The following RBPJ variants were observed in gnomAD, a reference collection of about 807,000 sequenced individuals.
RBPJ encodes the protein recombination signal binding protein for immunoglobulin kappa J region.
A neutral mutation model predicts 67.8 loss-of-function variants in RBPJ; 9 were observed. That is an observed-to-expected ratio of 0.13 (90% CI 0.08 to 0.23). The LOEUF (loss-of-function observed/expected upper bound fraction) is 0.23. Among genes scored for constraint, RBPJ ranks in the 10% least tolerant of loss-of-function variants. The probability of loss-of-function intolerance (pLI) is 1.00; values close to 1 mark genes in which losing one functional copy is unlikely to be tolerated. For missense variants in RBPJ, 305 were observed against 595.6 expected (o/e 0.51, Z 5.08); for synonymous variants, 198 against 203.3 (o/e 0.97, Z 0.22).
rs574286097 is a variant in RBPJ, at chr4:26,194,440, G to A, written c.-167+30826G>A. Among the ~76,000 whole-genome samples the A allele has an allele frequency of 8.5e-5, 13 of 152,328 alleles. No individual in the cohort carries two copies. The South Asian group carries it at 2.7e-3, about 32-fold the overall frequency. On this transcript the variant is annotated intron_variant, in intron 1 of 4. Transcript: ENST00000512351. ...AATATCTATTGAGCACTTGCAGCAT[G>A]CCAGGCACTGTGCTAAGCACTTTAA...
At chr4:26,359,033 C>G (rs1011809220) in intron 1 of RBPJ, among the ~76,000 whole-genome samples, 1 of 152,140 alleles carries the variant, frequency 6.6e-6, no homozygotes, top group South Asian at 2.1e-4. Context: ...GAATCAGATC[C>G]AGACAATCTT....
In RBPJ at chr4:26,304,147, G is replaced by A. The variant is rs140015804; in HGVS notation, c.-166-58299G>A. ...ATGATTTGCTGCTTTCATTTAGCAC[G>A]TTTTCAAGGTCCATCCATGTTGTAG... On this transcript the variant is annotated intron_variant, in intron 1 of 4. Coordinates refer to the RBPJ transcript ENST00000512351. Among the ~76,000 whole-genome samples the A allele has an allele frequency of 2.2e-4, 34 of 152,274 alleles. 2 individuals carry two copies. Among genetic ancestry groups the A allele is most frequent in the African/African-American group, 7.5e-4 (31 of 41,556 alleles).
At chr4:26,329,766 C>T (rs1393632215) in intron 1 of RBPJ, among the ~76,000 whole-genome samples, 4 of 151,980 alleles carry the variant, frequency 2.6e-5, no homozygotes, top group Admixed American at 1.3e-4. Flanking sequence ...TGTTGGCAGG[C>T]GCCTGTAGTC....
At position 26,420,584 on chromosome 4, in the gene RBPJ, G is replaced by T; in HGVS notation, c.355G>T (p.Asp119Tyr). The T allele has an allele frequency of 6.2e-7, 1 of 1,612,922 alleles. No individual in the cohort carries two copies. The highest frequency in any genetic ancestry group is 1.1e-5 in the South Asian group (1 of 90,716). The stretch of plus-strand genomic sequence containing the variant: ...CACAGCCAAAACATTGTATATATCT[G>T]ACTCAGACAAGCGAAAGCACTTCAT... ...YCTAKTLYIS[D>Y]SDKRKHFMLS... is the part of the protein sequence containing the mutation. Residue 119 changes from aspartate (D) to tyrosine (Y), a missense_variant, in exon 5 of 11, where the codon GAC becomes TAC. By Grantham distance (160) the Asp-to-Tyr change is radical (BLOSUM62 -3). Transcript: ENST00000355476.
intron 1 of RBPJ, chr4:26,384,748 C>T (rs1210137519): frequency 6.6e-6 from 1 of 151,674 alleles, no homozygotes. Context: ...TGAGTATTTA[C>T]TGTGTTTCAG....
the RBPJ span, among the ~76,000 whole-genome samples, chr4:26,142,787 T>A: frequency 0.33 from 50,309 of 150,622 alleles, 9,119 homozygotes; most frequent in East Asian, 0.52. Context: ...TGTGTGTGTG[T>A]GAGAGAGAGA....
chr4:26,358,126 A>G (rs1370657699), intron 1 of RBPJ, among the ~76,000 whole-genome samples: 1 of 152,054 alleles, frequency 6.6e-6, no homozygotes, highest in Non-Finnish European at 1.5e-5. Context: ...ATAAAACTCT[A>G]CAAACCACTG....
At chr4:26,293,919 A>T (rs143503617) in intron 1 of RBPJ, among the ~76,000 whole-genome samples, 7,448 of 150,792 alleles carry the variant, frequency 0.049, 203 homozygotes, top group East Asian at 0.1. Flanking sequence ...CACCACACTC[A>T]GCTAATTTTT....
At chr4:26,180,248 A>G (rs536132695) in intron 1 of RBPJ, among the ~76,000 whole-genome samples, 168 of 152,174 alleles carry the variant, frequency 1.1e-3, no homozygotes, top group Admixed American at 2.0e-3. Flanking sequence ...TGGGTGACGA[A>G]ATAATTGATA....
At chr4:26,377,551 C>T (rs972946646) in intron 1 of RBPJ, among the ~76,000 whole-genome samples, 2 of 152,166 alleles carry the variant, frequency 1.3e-5, no homozygotes, top group Non-Finnish European at 2.9e-5. Flanking sequence ...TGAAGTGAGG[C>T]GTCTGAAGGA....
chr4:26,315,167 A>AAAAATATAT (rs1325689348), upstream of RBPJ, among the ~76,000 whole-genome samples: 37 of 74,748 alleles, frequency 4.9e-4, no homozygotes, highest in Non-Finnish European at 6.9e-4. Context: ...AAAAAAAAAA[A>AAAAATATAT]ATATATATAT....
chr4:26,388,955 T>C (rs1385057721), intron 2 of RBPJ, among the ~76,000 whole-genome samples: 2 of 152,062 alleles, frequency 1.3e-5, no homozygotes, highest in South Asian at 2.1e-4. Context: ...GGTGCTGTGG[T>C]TCACGCCTGT....
intron 1 of RBPJ, among the ~76,000 whole-genome samples, chr4:26,276,666 AC>A (rs569492470): frequency 1.2e-3 from 180 of 152,312 alleles, no homozygotes; most frequent in African/African-American, 4.0e-3. Context: ...TATGTATAAC[AC>A]TTTGAATCAT....
chr4:26,191,180 A>AATAT (rs1245359104), intron 1 of RBPJ, among the ~76,000 whole-genome samples: 13 of 59,698 alleles, frequency 2.2e-4, no homozygotes, highest in South Asian at 8.2e-4. Context: ...AAAAAAAAAA[A>AATAT]ATATATATAT....
rs960489846 is a variant in RBPJ, at chr4:26,354,062, C to A, written c.21-32291C>A. 4.6e-5 allele frequency among the ~76,000 whole-genome samples: 7 copies of A among 152,046 alleles called. No individual in the cohort carries two copies. In the East Asian group the frequency reaches 9.7e-4, roughly 21 times the overall value. ...TCTCCTGCCTCAGCCTCCCGAGTAGCTGGGACTACAGGCGCGTGCCACCAT... is the reference window on the plus strand; with the variant it reads ...TCTCCTGCCTCAGCCTCCCGAGTAGATGGGACTACAGGCGCGTGCCACCAT... On this transcript the variant is annotated intron_variant, in intron 1 of 10. Transcript: ENST00000355476.
At chr4:26,356,560 C>T (rs1046794341) in intron 1 of RBPJ, among the ~76,000 whole-genome samples, 2 of 152,150 alleles carry the variant, frequency 1.3e-5, no homozygotes, top group African/African-American at 4.8e-5. Flanking sequence ...TGTATAAATA[C>T]AGTTTGGGTT....
At chr4:26,147,880 ATGT>A in the RBPJ span, among the ~76,000 whole-genome samples, 6 of 152,290 alleles carry the variant, frequency 3.9e-5, no homozygotes, top group South Asian at 1.0e-3. Context: ...AGGGCTGGTA[ATGT>A]TGTATAGGAC....
intron 1 of RBPJ, among the ~76,000 whole-genome samples, chr4:26,185,195 T>C (rs1717197349): frequency 1.3e-5 from 2 of 152,010 alleles, no homozygotes; most frequent in Admixed American, 1.3e-4. Flanking sequence ...GGAGGGATTT[T>C]TTTTTTTTCC....
intron 8 of RBPJ, 105 bp from the exon 9 acceptor site, chr4:26,429,793 G>C: frequency 1.1e-6 from 1 of 920,868 alleles, no homozygotes; most frequent in Non-Finnish European, 1.6e-6. Context: ...TTTTTACTGA[G>C]TTATCTTCTT....
Sources: allele counts gnomAD v4.1 joint callset (sites outside exome capture counted in the v4.1 genomes callset), GRCh38; gene constraint gnomAD v4.1.1; transcripts MANE v1.5; gene names NCBI Gene and HGNC (gene_info 2026-07-23, HGNC 2026-07-21).